Variants in STX5 observed in about 807,000 individuals in gnomAD.
The protein encoded by STX5 is syntaxin 5, also known as syntaxin-5.
A neutral mutation model predicts 42.9 loss-of-function variants in STX5; 15 were observed. The ratio of observed to expected loss-of-function variants is 0.35; its 90% CI spans 0.23 to 0.54. The LOEUF is 0.54. STX5 is among the 20% of genes least tolerant of loss of function. STX5 has a pLI of 0.91. For missense variants in STX5, 430 were observed against 455.0 expected (o/e 0.95, Z 0.50); for synonymous variants, 184 against 173.2 (o/e 1.06, Z -0.49).
At chr11:62,817,231 T>C (rs1001044305) in intron 10 of STX5, among the ~76,000 whole-genome samples, 3 of 152,092 alleles carry the variant, frequency 2.0e-5, no homozygotes, top group African/African-American at 4.8e-5. Context: ...GCTAGCTTCA[T>C]TCTCTCTTAA....
chr11:62,820,052 A>G (rs2084722110), intron 10 of STX5, among the ~76,000 whole-genome samples: 1 of 151,466 alleles, frequency 6.6e-6, no homozygotes, highest in South Asian at 2.1e-4. Flanking sequence ...AGTTTAGGAG[A>G]CAGGTCTGGG....
intron 10 of STX5, among the ~76,000 whole-genome samples, chr11:62,819,525 CTT>C (rs879834828): frequency 1.4e-5 from 2 of 145,838 alleles, no homozygotes. Context: ...CTTTTTAATA[CTT>C]TTTTTTTTTT....
chr11:62,830,383 T>C (rs1011237687), intron 2 of STX5: 1 of 369,152 alleles, frequency 2.7e-6, no homozygotes, highest in South Asian at 2.0e-5. Context: ...AGACACTGCC[T>C]GTACGAAAAA....
intron 10 of STX5, chr11:62,815,846 T>A (rs1383283773): frequency 6.6e-6 from 1 of 152,126 alleles, no homozygotes; most frequent in Non-Finnish European, 1.5e-5. Flanking sequence ...CTGGTTTTTA[T>A]TTTTTTATTT....
chr11:62,827,033 CAGTG>C, intron 5 of STX5, 118 bp downstream of exon 5: 1 of 831,276 alleles, frequency 1.2e-6, no homozygotes, highest in Non-Finnish European at 1.9e-6. Context: ...CTGGTCAACA[CAGTG>C]AGACCCCCCT....
chr11:62,810,218 G>A (rs184304542), intron 10 of STX5, among the ~76,000 whole-genome samples: 1 of 152,248 alleles, frequency 6.6e-6, no homozygotes, highest in Admixed American at 6.5e-5. Context: ...AAGGTGGCTG[G>A]ATTGCTTGAG....
chr11:62,816,226 C>A (rs748922134), intron 10 of STX5, among the ~76,000 whole-genome samples: 15 of 152,142 alleles, frequency 9.9e-5, no homozygotes, highest in Non-Finnish European at 2.1e-4. Context: ...ATGTAGGTTG[C>A]AGCTATATTA....
chr11:62,824,644 C>T (rs1268646724), intron 8 of STX5, 79 bp from the exon 9 acceptor site: 1 of 1,356,360 alleles, frequency 7.4e-7, no homozygotes, highest in Non-Finnish European at 1.0e-6. Context: ...GTTTGAATCC[C>T]AGCTCTAGCA....
chr11:62,811,907 G>C (rs558763467), intron 10 of STX5, among the ~76,000 whole-genome samples: 1 of 152,124 alleles, frequency 6.6e-6, no homozygotes, highest in East Asian at 1.9e-4. Flanking sequence ...AGACCCAGCA[G>C]GATTAGCTCA....
intron 10 of STX5, chr11:62,815,847 T>C (rs1423479105): frequency 6.6e-6 from 1 of 152,118 alleles, no homozygotes. Flanking sequence ...TGGTTTTTAT[T>C]TTTTTATTTA....
Position 62,827,187 on chromosome 11 carries a change from C to T in STX5, c.391G>A (p.Glu131Lys), listed in dbSNP as rs770774971. 1.2e-6 allele frequency: 2 copies of T among 1,614,080 alleles called. No homozygotes were observed. The highest frequency in any genetic ancestry group is 1.7e-5 in the Admixed American group (1 of 60,002). The change falls in exon 5 of 11, where the codon GAA becomes AAA. Residue 131 changes from glutamate (E) to lysine (K), a missense_variant. Coordinates refer to ENST00000294179, the MANE Select transcript of STX5 (RefSeq NM_003164.5). ...RKSLFDDKAV[E>K]IEELTYIIKQ... Reference sequence around the variant, plus strand: ...ATGATATATGTTAGCTCTTCAATTTCCACTGCTTTATCATCAAAGAGGGAC... The same window carrying T: ...ATGATATATGTTAGCTCTTCAATTTTCACTGCTTTATCATCAAAGAGGGAC...
intron 7 of STX5, 44 bp from the exon 8 acceptor site, chr11:62,825,161 G>A (rs1276490423): frequency 1.2e-6 from 2 of 1,611,958 alleles, no homozygotes; most frequent in Non-Finnish European, 1.7e-6. Flanking sequence ...CCACTAGAAA[G>A]CAGGCATGTT....
intron 5 of STX5, 117 bp from the exon 6 acceptor site, chr11:62,825,656 A>C: frequency 1.1e-6 from 1 of 918,726 alleles, no homozygotes; most frequent in Non-Finnish European, 1.7e-6. Flanking sequence ...CCAGAGTGAG[A>C]GTATCTCAGA....
chr11:62,818,661 G>C (rs545846512), intron 10 of STX5, among the ~76,000 whole-genome samples: 4 of 150,734 alleles, frequency 2.7e-5, no homozygotes, highest in Admixed American at 2.0e-4. Context: ...AGACCTGCCT[G>C]GGCAACATGT....
chr11:62,815,678 A>G (rs1007394838), intron 10 of STX5, among the ~76,000 whole-genome samples: 2 of 151,746 alleles, frequency 1.3e-5, no homozygotes, highest in African/African-American at 2.4e-5. Context: ...CTGGGACCAC[A>G]GGCATGCACC....
At chr11:62,809,380 A>C (rs1273793138) in intron 10 of STX5, among the ~76,000 whole-genome samples, 1 of 151,400 alleles carries the variant, frequency 6.6e-6, no homozygotes, top group African/African-American at 2.4e-5. Context: ...CTTAGTTTGA[A>C]AATGACATTA....
chr11:62,825,599 C>G (rs1808941577), intron 5 of STX5, 60 bp from the exon 6 acceptor site: 2 of 1,434,700 alleles, frequency 1.4e-6, no homozygotes, highest in Non-Finnish European at 2.0e-6. Context: ...GTCAGCATCT[C>G]TCACGATGGC....
chr11:62,821,345 T>C (rs1199521355), intron 10 of STX5, among the ~76,000 whole-genome samples: 1 of 152,172 alleles, frequency 6.6e-6, no homozygotes, highest in Non-Finnish European at 1.5e-5. Context: ...GAAACCCTCT[T>C]GCTTCATCCT....
intron 10 of STX5, 34 bp downstream of exon 10, chr11:62,824,132 G>C (rs770796038): frequency 6.2e-7 from 1 of 1,613,942 alleles, no homozygotes; most frequent in African/African-American, 1.3e-5. Flanking sequence ...GGAAGAGAAA[G>C]CTCCTCTGTT....
Sources: gnomAD v4.1 joint callset for allele counts (sites outside exome capture counted in the v4.1 genomes callset) on GRCh38, gnomAD v4.1.1 for gene constraint, MANE v1.5 for transcripts, NCBI Gene and HGNC (gene_info 2026-07-23, HGNC 2026-07-21) for gene names.